Variants in GJA10 observed in about 807,000 individuals in gnomAD.
GJA10 encodes gap junction alpha-10 protein.
For synonymous variants in GJA10, 239 were observed against 233.0 expected (o/e 1.03, Z -0.23); for missense variants, 685 against 651.9 (o/e 1.05, Z -0.55).
rs1771743788 is a variant in GJA10, at chr6:89,895,536, CT to C, written c.1069del (p.Ser357HisfsTer13). 1.2e-6 allele frequency: 2 copies of C among 1,614,170 alleles called. No homozygotes were observed. Among genetic ancestry groups the C allele is most frequent in the Non-Finnish European group, 1.7e-6 (2 of 1,180,038 alleles). On this transcript the variant is annotated frameshift_variant, in exon 1 of 2. Transcript: ENST00000638915. LOFTEE classifies it high-confidence loss of function. ...ACCTGGGACAGCAATCAGACCATTCCTCATTTGGCCTGCAGAATACAATGTC... is the reference window on the plus strand; with the variant it reads ...ACCTGGGACAGCAATCAGACCATTCCCATTTGGCCTGCAGAATACAATGTC...
rs145594901 is a variant in GJA10, at chr6:89,895,710, A to G, written c.1242A>G (p.Arg414=). The G allele has an allele frequency of 1.8e-5, 29 of 1,614,196 alleles. No homozygotes were observed. Among genetic ancestry groups the G allele is most frequent in the Non-Finnish European group, 2.2e-5 (26 of 1,180,028 alleles). Residue 414 remains arginine, a synonymous_variant, in exon 1 of 1, where the codon AGA becomes AGG. Coordinates refer to ENST00000369352, the MANE Select transcript of GJA10 (RefSeq NM_032602.2). ...GCAGAGACAGTGAAGGCAGCATGAGAGAGAGTGGGGTCTGGATAGACAGAT... is the reference window on the plus strand; with the variant it reads ...GCAGAGACAGTGAAGGCAGCATGAGGGAGAGTGGGGTCTGGATAGACAGAT... ...SHCRDSEGSM[R]ESGVWIDRSR...
Position 89,894,763 on chromosome 6 carries a change from A to T in GJA10, c.295A>T (p.Arg99Trp), listed in dbSNP as rs776118997. ...GGTCTATATGGGCCATGCACTTTAT[A>T]GGCTCAGGGCCTTTGAGAAAGACAG... ...SLVYMGHALY[R>W]LRAFEKDRQR... The change falls in exon 1 of 1, where the codon AGG becomes TGG. Residue 99 changes from arginine (R) to tryptophan (W), a missense_variant. Arg to Trp is a moderately radical substitution (Grantham distance 101). Transcript: ENST00000369352. 30 of 1,614,110 alleles carry T rather than the reference A, an allele frequency of 1.9e-5. No individual in the cohort carries two copies. In the Middle Eastern group the frequency reaches 1.2e-3, roughly 62 times the overall value.
In GJA10 at chr6:89,895,825, C is replaced by A. The variant is rs200436364; in HGVS notation, c.1357C>A (p.Arg453=). Residue 453 remains arginine, a synonymous_variant, in exon 1 of 1, where the codon CGG becomes AGG. Coordinates refer to ENST00000369352, the MANE Select transcript of GJA10 (RefSeq NM_032602.2). ...LHSDSGSSGS[R]NSSCLDFPHW... Reference sequence around the variant, plus strand: ...CAGTGACTCAGGAAGCTCTGGTTCTCGGAATAGCTCCTGCTTGGATTTTCC... The same window carrying A: ...CAGTGACTCAGGAAGCTCTGGTTCTAGGAATAGCTCCTGCTTGGATTTTCC... 1 of 1,614,152 alleles carries A rather than the reference C, an allele frequency of 6.2e-7. No individual in the cohort carries two copies.
chr6:89,894,756 A>T lies in GJA10; in HGVS notation c.288A>T (p.Ala96=). ...CTTCTTTGGTCTATATGGGCCATGC[A>T]CTTTATAGGCTCAGGGCCTTTGAGA... ...SSPSLVYMGH[A]LYRLRAFEKD... The change falls in exon 1 of 1, where the codon GCA becomes GCT. Residue 96 remains alanine (A), a synonymous_variant. Transcript: ENST00000369352. 1 of 1,614,188 alleles carries T rather than the reference A, an allele frequency of 6.2e-7. No homozygotes were observed. The highest frequency in any genetic ancestry group is 8.5e-7 in the Non-Finnish European group (1 of 1,180,046).
At position 89,894,772 on chromosome 6, in the gene GJA10, GC is replaced by G; in HGVS notation, c.306del (p.Phe103LeufsTer29). On this transcript the variant is annotated frameshift_variant, in exon 1 of 2. Coordinates refer to the GJA10 transcript ENST00000638915. LOFTEE classifies it high-confidence loss of function. ...GGGCCATGCACTTTATAGGCTCAGG[GC>G]CTTTGAGAAAGACAGGCAGAGGAAA... is the stretch of plus-strand genomic sequence containing the variant. 6.2e-7 allele frequency: 1 copy of G among 1,614,194 alleles called. No individual in the cohort carries two copies. Among genetic ancestry groups the G allele is most frequent in the South Asian group, 1.1e-5 (1 of 91,086 alleles).
rs767692113 is a variant in GJA10 at position 89,895,105 on chromosome 6, C to T, written c.637C>T (p.Leu213Phe). ...SRPTEKTIFM[L>F]FMHSIAAISL... ...GCCCACTGAGAAGACAATTTTCATGCTTTTTATGCACAGCATTGCAGCCAT... is the reference window on the plus strand; with the variant it reads ...GCCCACTGAGAAGACAATTTTCATGTTTTTTATGCACAGCATTGCAGCCAT... The change falls in exon 1 of 1, where the codon CTT becomes TTT. Residue 213 changes from leucine (L) to phenylalanine (F), a missense_variant. Coordinates refer to ENST00000369352, the MANE Select transcript of GJA10 (RefSeq NM_032602.2). 1 of 1,614,116 alleles carries T rather than the reference C, an allele frequency of 6.2e-7. No homozygotes were observed. Among genetic ancestry groups the T allele is most frequent in the East Asian group, 2.2e-5 (1 of 44,884 alleles).
Position 89,895,465 on chromosome 6 carries a change from C to G in GJA10, c.997C>G (p.His333Asp). ...SEKDQHSGQL[H>D]VHSPCPWAGS... is the part of the protein sequence containing the mutation. Reference sequence around the variant, plus strand: ...GAAGGATCAGCATAGCGGACAGCTCCATGTTCACAGCCCGTGTCCCTGGGC... The same window carrying G: ...GAAGGATCAGCATAGCGGACAGCTCGATGTTCACAGCCCGTGTCCCTGGGC... Residue 333 changes from histidine to aspartate, a missense_variant, in exon 1 of 1, where the codon CAT (histidine) becomes GAT (aspartate). Transcript: ENST00000369352. 1.2e-6 allele frequency: 2 copies of G among 1,614,200 alleles called. No individual in the cohort carries two copies. The highest frequency in any genetic ancestry group is 1.1e-5 in the South Asian group (1 of 91,080).
rs151236486 is a variant in GJA10, at chr6:89,895,677, T to C, written c.1209T>C (p.His403=). The C allele has an allele frequency of 1.2e-6, 2 of 1,614,184 alleles. No individual in the cohort carries two copies. Among genetic ancestry groups the C allele is most frequent in the Non-Finnish European group, 1.7e-6 (2 of 1,180,036 alleles). ...CAGGTGAGCCTCTCACAGATCTTCA[T>C]AGTCACTGCAGAGACAGTGAAGGCA... The part of the protein sequence containing the change: ...EPSGEPLTDL[H]SHCRDSEGSM... The change falls in exon 1 of 1, where the codon CAT becomes CAC. Residue 403 remains histidine (H), a synonymous_variant. Transcript: ENST00000369352.
Position 89,895,941 on chromosome 6 carries a change from A to C in GJA10, c.1473A>C (p.Leu491=), listed in dbSNP as rs755870091. 4 of 1,614,046 alleles carry C rather than the reference A, an allele frequency of 2.5e-6. No individual in the cohort carries two copies. The highest frequency in any genetic ancestry group is 3.3e-4 in the Middle Eastern group (2 of 6,084). ...AGGCAGCCCTACCGATCATGGAACT[A>C]TCACAAGAGCTGTTCCATTCTGGAT... The part of the protein sequence containing the change: ...VRQAALPIME[L]SQELFHSGCF... The change falls in exon 1 of 1, where the codon CTA becomes CTC. Residue 491 remains leucine, a synonymous_variant. Coordinates refer to ENST00000369352, the MANE Select transcript of GJA10 (RefSeq NM_032602.2).
At position 89,894,525 on chromosome 6, in the gene GJA10, C is replaced by A; in HGVS notation, c.57C>A (p.Thr19=). 12 of 1,614,114 alleles carry A rather than the reference C, an allele frequency of 7.4e-6. No homozygotes were observed. Among genetic ancestry groups the A allele is most frequent in the Non-Finnish European group, 1.0e-5 (12 of 1,179,978 alleles). The part of the protein sequence containing the change: ...GILEEVHSHS[T]IVGKIWLTIL... ...TAGAGGAAGTTCACTCCCACTCAAC[C>A]ATAGTGGGGAAAATCTGGCTGACCA... The change falls in exon 1 of 1, where the codon ACC becomes ACA. Residue 19 remains threonine (T), a synonymous_variant. Transcript: ENST00000369352.
chr6:89,894,646 G>C lies in GJA10; in HGVS notation c.178G>C (p.Gly60Arg). The part of the protein sequence containing the change: ...SAFACNTRQP[G>R]CNNICYDDAF... Reference sequence around the variant, plus strand: ...ATTTGCCTGCAACACCCGGCAGCCAGGTTGCAACAATATCTGTTATGATGA... The same window carrying C: ...ATTTGCCTGCAACACCCGGCAGCCACGTTGCAACAATATCTGTTATGATGA... Residue 60 changes from glycine to arginine, a missense_variant, in exon 1 of 1, where the codon GGT becomes CGT. Physicochemically the swap from Gly to Arg is moderately radical, Grantham distance 125 (BLOSUM62 -2). Transcript: ENST00000369352. 6.2e-7 allele frequency: 1 copy of C among 1,614,224 alleles called. No homozygotes were observed. Among genetic ancestry groups the C allele is most frequent in the Non-Finnish European group, 8.5e-7 (1 of 1,180,036 alleles).
At position 89,895,873 on chromosome 6, in the gene GJA10, C is replaced by T. The variant is rs200972215; in HGVS notation, c.1405C>T (p.Pro469Ser). The T allele has an allele frequency of 1.6e-4, 258 of 1,614,188 alleles. 2 individuals carry two copies. The South Asian group carries it at 2.7e-3, about 17-fold the overall frequency. ...DFPHWENSPS[P>S]LPSVTGHRTS... is the part of the protein sequence containing the mutation. Reference sequence around the variant, plus strand: ...TCCTCACTGGGAAAACAGCCCCTCACCTCTGCCTTCAGTCACTGGGCACAG... The same window carrying T: ...TCCTCACTGGGAAAACAGCCCCTCATCTCTGCCTTCAGTCACTGGGCACAG... The change falls in exon 1 of 1, where the codon CCT becomes TCT. Residue 469 changes from proline to serine, a missense_variant. Pro to Ser is a moderately conservative substitution (Grantham distance 74). Transcript: ENST00000369352.
In GJA10 at chr6:89,895,030, A is replaced by G; in HGVS notation, c.562A>G (p.Lys188Glu). The change falls in exon 1 of 1, where the codon AAA (lysine) becomes GAA (glutamate). Residue 188 changes from lysine (K) to glutamate (E), a missense_variant. By Grantham distance (56) the Lys-to-Glu change is moderately conservative (BLOSUM62 1). Transcript: ENST00000369352. The stretch of plus-strand genomic sequence containing the variant: ...TGGGTTTCAAATGCACCCCCTTTAC[A>G]AATGCACTCAACCTCCTTGCCCCAA... ...LYGFQMHPLY[K>E]CTQPPCPNAV... The G allele has an allele frequency of 1.9e-6, 3 of 1,614,194 alleles. No individual in the cohort carries two copies. Among genetic ancestry groups the G allele is most frequent in the Non-Finnish European group, 2.5e-6 (3 of 1,180,030 alleles).
In GJA10 at chr6:89,895,622, C is replaced by G. The variant is rs1450127623; in HGVS notation, c.1154C>G (p.Thr385Ser). 6.2e-7 allele frequency: 1 copy of G among 1,614,062 alleles called. No homozygotes were observed. The highest frequency in any genetic ancestry group is 1.3e-5 in the African/African-American group (1 of 74,938). The change falls in exon 1 of 1, where the codon ACC (threonine) becomes AGC (serine). Residue 385 changes from threonine to serine, a missense_variant. Thr to Ser is a moderately conservative substitution (Grantham distance 58). Coordinates refer to ENST00000369352, the MANE Select transcript of GJA10 (RefSeq NM_032602.2). The part of the protein sequence containing the change: ...PRNCPSFAVG[T>S]WEQSQDPEPS... ...AACTGTCCATCCTTTGCAGTAGGAACCTGGGAGCAGTCCCAGGACCCAGAA... is the reference window on the plus strand; with the variant it reads ...AACTGTCCATCCTTTGCAGTAGGAAGCTGGGAGCAGTCCCAGGACCCAGAA...
Position 89,895,082 on chromosome 6 carries a change from C to T in GJA10, c.614C>T (p.Pro205Leu). 1 of 1,614,084 alleles carries T rather than the reference C, an allele frequency of 6.2e-7. No homozygotes were observed. Among genetic ancestry groups the T allele is most frequent in the Non-Finnish European group, 8.5e-7 (1 of 1,180,030 alleles). Residue 205 changes from proline (P) to leucine (L), a missense_variant, in exon 1 of 1, where the codon CCC (proline) becomes CTC (leucine). Transcript: ENST00000369352. ...PNAVDCFVSR[P>L]TEKTIFMLFM... Reference sequence around the variant, plus strand: ...GCGGTGGATTGCTTTGTATCCAGGCCCACTGAGAAGACAATTTTCATGCTT... The same window carrying T: ...GCGGTGGATTGCTTTGTATCCAGGCTCACTGAGAAGACAATTTTCATGCTT...
intron 1 of GJA10, chr6:89,895,967 GCTTTCTTTTTC>G (rs747053617): frequency 5.6e-6 from 9 of 1,614,044 alleles, no homozygotes; most frequent in Middle Eastern, 1.6e-4. Context: ...CATTCTGGAT[GCTTTCTTTTTC>G]CTTTCTTTCT....
rs1771707957 is a variant in GJA10, at chr6:89,894,496, A to G, written c.28A>G (p.Ile10Val). 1.2e-6 allele frequency: 2 copies of G among 1,613,238 alleles called. No individual in the cohort carries two copies. The highest frequency in any genetic ancestry group is 1.7e-6 in the Non-Finnish European group (2 of 1,179,316). ...GGGGGACTGGAACTTATTGGGTGGCATCCTAGAGGAAGTTCACTCCCACTC... is the reference window on the plus strand; with the variant it reads ...GGGGGACTGGAACTTATTGGGTGGCGTCCTAGAGGAAGTTCACTCCCACTC... MGDWNLLGG[I>V]LEEVHSHSTI... Residue 10 changes from isoleucine to valine, a missense_variant, in exon 1 of 1, where the codon ATC becomes GTC. Transcript: ENST00000369352.
At position 89,894,534 on chromosome 6, in the gene GJA10, G is replaced by A. The variant is rs777746714; in HGVS notation, c.66G>A (p.Gly22=). The A allele has an allele frequency of 3.1e-6, 5 of 1,614,212 alleles. No homozygotes were observed. The South Asian group carries it at 4.4e-5, about 14-fold the overall frequency. Residue 22 remains glycine (G), a synonymous_variant, in exon 1 of 1, where the codon GGG becomes GGA. Coordinates refer to ENST00000369352, the MANE Select transcript of GJA10 (RefSeq NM_032602.2). The part of the protein sequence containing the change: ...EEVHSHSTIV[G]KIWLTILFIF... ...TTCACTCCCACTCAACCATAGTGGG[G>A]AAAATCTGGCTGACCATCCTCTTCA...
chr6:89,895,524 AT>A lies in GJA10; in HGVS notation c.1057del (p.Ser353GlnfsTer17). 6.2e-7 allele frequency: 1 copy of A among 1,614,212 alleles called. No homozygotes were observed. The highest frequency in any genetic ancestry group is 8.5e-7 in the Non-Finnish European group (1 of 1,180,040). ...CTGGAAATCAGCACCTGGGACAGCA[AT>A]CAGACCATTCCTCATTTGGCCTGCA... On this transcript the variant is annotated frameshift_variant, in exon 1 of 2. Coordinates refer to the GJA10 transcript ENST00000638915. LOFTEE classifies it high-confidence loss of function.
Sources: allele counts gnomAD v4.1 joint callset, GRCh38; gene constraint gnomAD v4.1.1; transcripts MANE v1.5; gene names NCBI Gene and HGNC (gene_info 2026-07-23, HGNC 2026-07-21).